The following LATS1 variants were observed in gnomAD, a reference collection of about 807,000 sequenced individuals.
The protein encoded by LATS1 is serine/threonine-protein kinase LATS1.
A neutral mutation model predicts 106.6 loss-of-function variants in LATS1; 25 were observed. That is an observed-to-expected ratio of 0.23 (90% CI 0.17 to 0.33). LATS1 has a LOEUF of 0.33. LATS1 is among the 10% of genes least tolerant of loss of function. The probability of loss-of-function intolerance (pLI) is 1.00; values close to 1 mark genes in which losing one functional copy is unlikely to be tolerated. For synonymous variants in LATS1, 465 were observed against 455.6 expected (o/e 1.02, Z -0.26); for missense variants, 1,040 against 1,382.6 (o/e 0.75, Z 3.93).
chr6:149,679,958 T>C lies in LATS1; in HGVS notation c.2510A>G (p.Asp837Gly), dbSNP rs1026142077. The C allele has an allele frequency of 3.7e-6, 6 of 1,614,016 alleles. No individual in the cohort carries two copies. In the African/African-American group the frequency reaches 5.3e-5, roughly 14 times the overall value. Residue 837 changes from aspartate (D) to glycine (G), a missense_variant, in exon 5 of 8, where the codon GAT becomes GGT. Transcript: ENST00000543571. ...RDIKPDNILI[D>G]RDGHIKLTDF... ...AGTCAATTTAATATGACCATCACGA[T>C]CAATCAAAATATTATCAGGTTTAAT...
chr6:149,671,478 C>G (rs970949090), intron 7 of LATS1, among the ~76,000 whole-genome samples: 2 of 151,872 alleles, frequency 1.3e-5, no homozygotes, highest in African/African-American at 4.9e-5. Flanking sequence ...TTTTTCAATA[C>G]CATTTGTTGG....
intron 2 of LATS1, among the ~76,000 whole-genome samples, chr6:149,700,481 T>C (rs1015167711): frequency 1.3e-5 from 2 of 152,022 alleles, no homozygotes; most frequent in African/African-American, 4.8e-5. Flanking sequence ...TCAAAAAATA[T>C]AAAAAATAAA....
At chr6:149,685,088 A>G (rs1782291507) in intron 3 of LATS1, among the ~76,000 whole-genome samples, 1 of 151,594 alleles carries the variant, frequency 6.6e-6, no homozygotes, top group Admixed American at 6.6e-5. Flanking sequence ...ATACAAAAAA[A>G]TTAGCCAGGC....
intron 7 of LATS1, among the ~76,000 whole-genome samples, chr6:149,669,814 G>A (rs571480024): frequency 5.9e-5 from 9 of 151,894 alleles, no homozygotes; most frequent in South Asian, 4.2e-4. Flanking sequence ...AGAATAAAGG[G>A]ACCTATATGG....
At chr6:149,679,146 T>A (rs1468032462) in intron 5 of LATS1, among the ~76,000 whole-genome samples, 2 of 152,156 alleles carry the variant, frequency 1.3e-5, no homozygotes, top group South Asian at 2.1e-4. Context: ...AAATAATAAT[T>A]ATCTTTGTGG....
intron 1 of LATS1, among the ~76,000 whole-genome samples, chr6:149,704,313 G>A (rs1364779258): frequency 6.6e-6 from 1 of 151,958 alleles, no homozygotes; most frequent in Non-Finnish European, 1.5e-5. Flanking sequence ...GAATGATGTA[G>A]TTCTATATAA....
At chr6:149,681,233 C>T (rs983298577) in intron 4 of LATS1, among the ~76,000 whole-genome samples, 1 of 152,014 alleles carries the variant, frequency 6.6e-6, no homozygotes, top group African/African-American at 2.4e-5. Flanking sequence ...ATATGGAATG[C>T]CTGGATTTAG....
chr6:149,676,171 C>G lies in LATS1; in HGVS notation c.2883+89G>C, dbSNP rs772221226. The G allele has an allele frequency of 7.8e-6, 7 of 897,776 alleles. No individual in the cohort carries two copies. In the Admixed American group the frequency reaches 1.4e-4, roughly 18 times the overall value. 55.6% of individuals were successfully genotyped at this position (897,776 alleles called of 1,614,324 possible). On this transcript the variant is annotated intron_variant, in intron 7 of 7. Transcript: ENST00000543571. ...CCGGCCCAAGTTCATTCTTTAACTCCAGACTAAAATGCTCTACGTACTAAT... is the reference window on the plus strand; with the variant it reads ...CCGGCCCAAGTTCATTCTTTAACTCGAGACTAAAATGCTCTACGTACTAAT...
intron 3 of LATS1, among the ~76,000 whole-genome samples, chr6:149,694,811 T>C (rs945466087): frequency 7.9e-5 from 12 of 152,080 alleles, no homozygotes; most frequent in African/African-American, 7.2e-5. Context: ...GGAGGGAAAA[T>C]AGACATATTT....
intron 7 of LATS1, among the ~76,000 whole-genome samples, chr6:149,666,139 CA>C (rs35062371): frequency 7.4e-4 from 42 of 57,094 alleles, no homozygotes; most frequent in South Asian, 4.9e-3. Context: ...ACTCCGTCTC[CA>C]AAAAAAAAAA....
At chr6:149,662,468 T>C (rs1780926425) in intron 7 of LATS1, among the ~76,000 whole-genome samples, 1 of 152,198 alleles carries the variant, frequency 6.6e-6, no homozygotes. Context: ...TTTTGGCCTA[T>C]GGTAGAAGTG....
chr6:149,683,647 G>C lies in LATS1; in HGVS notation c.1442C>G (p.Pro481Arg), dbSNP rs374824668. The C allele has an allele frequency of 6.2e-7, 1 of 1,614,034 alleles. No homozygotes were observed. The highest frequency in any genetic ancestry group is 2.2e-5 in the East Asian group (1 of 44,904). Residue 481 changes from proline to arginine, a missense_variant, in exon 4 of 8, where the codon CCT becomes CGT. Physicochemically the swap from Pro to Arg is moderately radical, Grantham distance 103. Transcript: ENST00000543571. ...AATTGCAGTGACTGTTGTAGCAGAA[G>C]GCTGAGAATTAGCAGAGTGACTTGC... is the stretch of plus-strand genomic sequence containing the variant. ...NRASHSANSQ[P>R]SATTVTAITP...
intron 7 of LATS1, among the ~76,000 whole-genome samples, chr6:149,669,193 G>C (rs1244249196): frequency 6.6e-6 from 1 of 151,598 alleles, no homozygotes; most frequent in South Asian, 2.1e-4. Flanking sequence ...GAGTGCAGTG[G>C]CGCCATCTCG....
chr6:149,670,102 G>A (rs754429580), intron 7 of LATS1, among the ~76,000 whole-genome samples: 1 of 149,230 alleles, frequency 6.7e-6, no homozygotes, highest in African/African-American at 2.5e-5. Flanking sequence ...AACCTGGGAG[G>A]TGGAGGTTGC....
intron 1 of LATS1, chr6:149,716,461 A>G (rs1393272496): frequency 6.6e-6 from 1 of 152,228 alleles, no homozygotes; most frequent in Non-Finnish European, 1.5e-5. Flanking sequence ...CAATGACTAA[A>G]TAACTTTTGT....
chr6:149,661,841 G>A lies in LATS1; in HGVS notation c.3281C>T (p.Pro1094Leu). The A allele has an allele frequency of 3.7e-6, 6 of 1,613,786 alleles. No homozygotes were observed. The highest frequency in any genetic ancestry group is 4.2e-6 in the Non-Finnish European group (5 of 1,179,894). The change falls in exon 8 of 8, where the codon CCG becomes CTG. Residue 1094 changes from proline (P) to leucine (L), a missense_variant. Around this residue, in one of 7 missense-constraint regions of LATS1, gnomAD observed 4 missense variants for 25.8 expected, o/e 0.16. Coordinates refer to ENST00000543571, the MANE Select transcript of LATS1 (RefSeq NM_004690.4). The stretch of plus-strand genomic sequence containing the variant: ...AATGTATTCATATTCAATAGGCTTC[G>A]GATAATTATATGGGTAGCCATTGTC... ...FDDNGYPYNY[P>L]KPIEYEYINS...
At chr6:149,664,814 C>T (rs556320649) in intron 7 of LATS1, among the ~76,000 whole-genome samples, 12 of 152,134 alleles carry the variant, frequency 7.9e-5, no homozygotes, top group Admixed American at 7.2e-4. Flanking sequence ...CTCAGCCTCC[C>T]GAGTAACTGG....
intron 5 of LATS1, among the ~76,000 whole-genome samples, chr6:149,677,249 T>C (rs373680311): frequency 6.6e-5 from 10 of 152,268 alleles, no homozygotes; most frequent in African/African-American, 2.2e-4. Flanking sequence ...ACTGAATGGC[T>C]AGGGAAGACC....
At chr6:149,715,349 G>A (rs1784327429) in intron 1 of LATS1, among the ~76,000 whole-genome samples, 1 of 152,184 alleles carries the variant, frequency 6.6e-6, no homozygotes, top group Admixed American at 6.5e-5. Context: ...TTACAGGCGT[G>A]AGCCACTGCG....
Sources: allele counts gnomAD v4.1 joint callset (sites outside exome capture counted in the v4.1 genomes callset), GRCh38; gene constraint gnomAD v4.1.1; regional missense constraint gnomAD v4.1.1; transcripts MANE v1.5; gene names NCBI Gene and HGNC (gene_info 2026-07-23, HGNC 2026-07-21).